PARD3B: variants seen among roughly 807,000 people sequenced by gnomAD.
PARD3B encodes the protein par-3 family cell polarity regulator beta, also known as partitioning defective 3 homolog B.
PARD3B carries 103 observed loss-of-function variants against 130.2 expected under a neutral mutation model. That is an observed-to-expected ratio of 0.79 (90% CI 0.67 to 0.93). The LOEUF is 0.93. Among genes scored for constraint, PARD3B ranks in the 40% least tolerant of loss-of-function variants. The pLI is 0.00. For missense variants in PARD3B, 1,609 were observed against 1,499.2 expected (o/e 1.07, Z -1.21); for synonymous variants, 583 against 553.2 (o/e 1.05, Z -0.76).
intron 1 of PARD3B, among the ~76,000 whole-genome samples, chr2:204,555,621 A>G (rs544643398): frequency 2.6e-5 from 4 of 152,252 alleles, no homozygotes; most frequent in Admixed American, 6.5e-5. Context: ...TTGGTGAATC[A>G]TCGAACCTGG....
At chr2:204,956,560 T>C (rs1690256335) in intron 2 of PARD3B, among the ~76,000 whole-genome samples, 1 of 151,206 alleles carries the variant, frequency 6.6e-6, no homozygotes, top group Non-Finnish European at 1.5e-5. Context: ...GTCCACACAT[T>C]TTAAATATCC....
intron 18 of PARD3B, among the ~76,000 whole-genome samples, chr2:205,330,992 C>T (rs1053386756): frequency 2.6e-5 from 4 of 151,974 alleles, no homozygotes; most frequent in East Asian, 1.9e-4. Flanking sequence ...TCTTCCTCGA[C>T]GGAAAAGAAA....
chr2:205,338,567 AAATCCATTTC>A (rs2043403747), intron 18 of PARD3B, among the ~76,000 whole-genome samples: 1 of 152,012 alleles, frequency 6.6e-6, no homozygotes, highest in Non-Finnish European at 1.5e-5. Context: ...CTACTCTGGA[AAATCCATTTC>A]ATAATTTTGT....
intron 2 of PARD3B, among the ~76,000 whole-genome samples, chr2:204,694,867 C>G (rs2037535648): frequency 6.6e-6 from 1 of 151,860 alleles, no homozygotes; most frequent in Non-Finnish European, 1.5e-5. Flanking sequence ...GTACACTTGC[C>G]CTGAATTTGT....
intron 2 of PARD3B, among the ~76,000 whole-genome samples, chr2:204,823,680 C>T (rs1051383560): frequency 2.0e-5 from 3 of 152,104 alleles, no homozygotes; most frequent in African/African-American, 7.2e-5. Context: ...TTGCTCAAGC[C>T]TGTAATCCCA....
chr2:204,571,186 G>T (rs2031983422), intron 1 of PARD3B, among the ~76,000 whole-genome samples: 1 of 152,162 alleles, frequency 6.6e-6, no homozygotes, highest in African/African-American at 2.4e-5. Context: ...TCCATGTGGG[G>T]TTTTGGGAAA....
chr2:205,454,704 T>C (rs763572340), intron 20 of PARD3B, among the ~76,000 whole-genome samples: 3 of 152,280 alleles, frequency 2.0e-5, no homozygotes, highest in South Asian at 2.1e-4. Context: ...TCAAGTTCAG[T>C]AGGGGGCCTA....
intron 20 of PARD3B, among the ~76,000 whole-genome samples, chr2:205,489,500 T>TATATATACGTAGATATACAC (rs1559141226): frequency 7.2e-6 from 1 of 139,404 alleles, no homozygotes; most frequent in Non-Finnish European, 1.5e-5. Flanking sequence ...TATGTGTGTA[T>TATATATACGTAGATATACAC]ATATATATAC....
rs547137514 is a variant in PARD3B, at chr2:204,748,563, A to G, written c.222+62281A>G. ...CATGGGGAGGTTGTTTCATCTCACAATCTTTAGGGCAGTGGTTGTACAAAG... is the reference window on the plus strand; with the variant it reads ...CATGGGGAGGTTGTTTCATCTCACAGTCTTTAGGGCAGTGGTTGTACAAAG... On this transcript the variant is annotated intron_variant, in intron 2 of 22. Coordinates refer to ENST00000406610, the MANE Select transcript of PARD3B (RefSeq NM_001302769.2). 1.1e-4 allele frequency among the ~76,000 whole-genome samples: 16 copies of G among 152,234 alleles called. 1 individual carries two copies. In the South Asian group the frequency reaches 1.7e-3, roughly 16 times the overall value.
intron 8 of PARD3B, among the ~76,000 whole-genome samples, chr2:205,123,500 T>C (rs914840289): frequency 1.3e-5 from 2 of 151,998 alleles, no homozygotes; most frequent in African/African-American, 4.8e-5. Flanking sequence ...GCAGGGAGTC[T>C]AGGGGACAAA....
At chr2:204,930,478 A>C (rs74964061) in intron 2 of PARD3B, among the ~76,000 whole-genome samples, 1 of 151,864 alleles carries the variant, frequency 6.6e-6, no homozygotes, top group Non-Finnish European at 1.5e-5. Flanking sequence ...TTGGTCTGCA[A>C]TTGGTTGAAT....
intron 2 of PARD3B, among the ~76,000 whole-genome samples, chr2:204,692,809 C>T (rs888627633): frequency 2.6e-5 from 4 of 151,904 alleles, no homozygotes; most frequent in Admixed American, 2.0e-4. Context: ...GATTACTCTC[C>T]GCTTATAGAA....
chr2:204,742,547 G>A (rs2040053085), intron 2 of PARD3B, among the ~76,000 whole-genome samples: 1 of 152,156 alleles, frequency 6.6e-6, no homozygotes, highest in South Asian at 2.1e-4. Context: ...TAGAGCAAAA[G>A]CTGTTGCTCT....
At chr2:204,818,537 A>G (rs1229934303) in intron 2 of PARD3B, among the ~76,000 whole-genome samples, 1 of 152,196 alleles carries the variant, frequency 6.6e-6, no homozygotes, top group African/African-American at 2.4e-5. Context: ...AGTAATTACA[A>G]TTTTAAGGAG....
intron 18 of PARD3B, among the ~76,000 whole-genome samples, chr2:205,313,609 CA>C (rs1391817795): frequency 3.3e-5 from 5 of 152,142 alleles, no homozygotes; most frequent in Non-Finnish European, 7.4e-5. Flanking sequence ...GAGTGTCAAC[CA>C]AAAGGCTTAT....
intron 5 of PARD3B, among the ~76,000 whole-genome samples, chr2:205,108,561 C>G (rs928237101): frequency 2.0e-5 from 3 of 152,034 alleles, no homozygotes; most frequent in African/African-American, 4.8e-5. Context: ...ACAGACTATC[C>G]TCGTTCAATA....
Position 204,585,518 on chromosome 2 carries a change from AT to A in PARD3B, c.120+39405del, listed in dbSNP as rs915166572. On this transcript the variant is annotated intron_variant, in intron 1 of 22. Transcript: ENST00000406610. ...CTGGCTCTTTTTTTTTTTTTTTTTA[AT>A]TTTTTGTGGAGACAGGGTTCAGCTA... Among the ~76,000 whole-genome samples, 1,233 of 133,510 alleles carry A rather than the reference AT, an allele frequency of 9.2e-3. 17 individuals carry two copies. Among genetic ancestry groups the A allele is most frequent in the African/African-American group, 0.033 (1,152 of 34,636 alleles). 87.6% of individuals were successfully genotyped at this position (133,510 alleles called of 152,430 possible). A position where few individuals can be genotyped will look rare whatever the true frequency, so the allele number is the denominator to read the frequency against.
At chr2:205,173,606 G>A (rs10198882) in intron 12 of PARD3B, among the ~76,000 whole-genome samples, 2 of 151,882 alleles carry the variant, frequency 1.3e-5, no homozygotes, top group South Asian at 2.1e-4. Flanking sequence ...TATCAGCTAC[G>A]GGCAAGGAGT....
At chr2:204,998,311 A>AGTGT (rs1321879020) in intron 3 of PARD3B, among the ~76,000 whole-genome samples, 2 of 73,578 alleles carry the variant, frequency 2.7e-5, no homozygotes, top group African/African-American at 5.7e-5. Flanking sequence ...CAGAACTTAA[A>AGTGT]GTATATATAT....
Sources: allele counts gnomAD v4.1 joint callset (sites outside exome capture counted in the v4.1 genomes callset), GRCh38; gene constraint gnomAD v4.1.1; transcripts MANE v1.5; gene names NCBI Gene and HGNC (gene_info 2026-07-23, HGNC 2026-07-21).